Variants in BIN1 observed in about 807,000 individuals in gnomAD.
The protein encoded by BIN1 is bridging integrator 1.
Under a neutral mutation model 82.0 loss-of-function variants are expected in BIN1, and 53 were observed. That is an observed-to-expected ratio of 0.65 (90% CI 0.52 to 0.81). The LOEUF (loss-of-function observed/expected upper bound fraction) is 0.81, where lower values mean the gene tolerates loss of function less well. Ranked by LOEUF, BIN1 falls within the 40% of genes least tolerant of loss-of-function variation. BIN1 has a pLI of 0.00. For synonymous variants in BIN1, 302 were observed against 328.0 expected (o/e 0.92, Z 0.86); for missense variants, 642 against 784.4 (o/e 0.82, Z 2.17).
rs777176261 is a variant in BIN1, at chr2:127,063,645, G to A, written c.700C>T (p.Arg234Cys). 8.7e-6 allele frequency: 14 copies of A among 1,613,248 alleles called. No homozygotes were observed. The highest frequency in any genetic ancestry group is 1.7e-5 in the Admixed American group (1 of 59,882). Reference sequence around the variant, plus strand: ...AACGTGTTGACGTAGAAACCTACGCGGCTACAGAAGGGCGGAAGGATGGGG... The same window carrying A: ...AACGTGTTGACGTAGAAACCTACGCAGCTACAGAAGGGCGGAAGGATGGGG... ...QEELPSLWNSRVGFYVNTFQS... is the reference protein window; with the variant it reads ...QEELPSLWNSCVGFYVNTFQS... Residue 234 changes from arginine to cysteine, a missense_variant and splice_region_variant, in exon 9 of 19, where the codon CGC (arginine) becomes TGC (cysteine). Transcript: ENST00000316724.
intron 1 of BIN1, among the ~76,000 whole-genome samples, chr2:127,089,659 C>A (rs1469051659): frequency 6.6e-6 from 1 of 152,076 alleles, no homozygotes; most frequent in Non-Finnish European, 1.5e-5. Context: ...CCCTCAGTCC[C>A]TCCCACTGCC....
chr2:127,096,729 G>A (rs370064818), intron 1 of BIN1, among the ~76,000 whole-genome samples: 4 of 152,202 alleles, frequency 2.6e-5, no homozygotes, highest in Non-Finnish European at 5.9e-5. Flanking sequence ...GAGCTGCCAT[G>A]GGCCAAATGG....
In BIN1 at chr2:127,054,289, C is replaced by G. The variant is rs544133789; in HGVS notation, c.1132-277G>C. Reference sequence around the variant, plus strand: ...CGACCCCAGTGCCCGCCTCAAACTCCCAGTCATAGGTCCGCCCGTGGCCGC... The same window carrying G: ...CGACCCCAGTGCCCGCCTCAAACTCGCAGTCATAGGTCCGCCCGTGGCCGC... On this transcript the variant is annotated intron_variant, in intron 12 of 18. Coordinates refer to ENST00000316724, the MANE Select transcript of BIN1 (RefSeq NM_139343.3). 4.9e-5 allele frequency: 24 copies of G among 494,774 alleles called. No individual in the cohort carries two copies. The East Asian group carries it at 7.1e-4, about 15-fold the overall frequency. 30.6% of individuals were successfully genotyped at this position (494,774 alleles called of 1,614,324 possible).
intron 1 of BIN1, among the ~76,000 whole-genome samples, chr2:127,102,668 A>C (rs549673524): frequency 2.8e-4 from 43 of 152,218 alleles, no homozygotes; most frequent in African/African-American, 7.9e-4. Context: ...CCCCTGGGGG[A>C]TTGGGGAAGT....
chr2:127,049,044 T>A (rs1682532890), intron 18 of BIN1, among the ~76,000 whole-genome samples: 1 of 152,168 alleles, frequency 6.6e-6, no homozygotes, highest in South Asian at 2.1e-4. Context: ...GCCCTTTGCT[T>A]CAATCCTGAC....
chr2:127,089,531 T>A (rs1337075677), intron 1 of BIN1, among the ~76,000 whole-genome samples: 1 of 151,950 alleles, frequency 6.6e-6, no homozygotes, highest in Non-Finnish European at 1.5e-5. Context: ...TCACAGTGAG[T>A]TTGCAGTGCC....
rs1281912195 is a variant in BIN1 at position 127,068,050 on chromosome 2, A to G, written c.612+113T>C. On this transcript the variant is annotated intron_variant, in intron 7 of 18. Coordinates refer to ENST00000316724, the MANE Select transcript of BIN1 (RefSeq NM_139343.3). This position sits in a 1 kb window ranked among gnomAD's most constrained non-coding sequence, Gnocchi z 4.9. ...AGCTCTCCCAGCAGAGGCCTTTGAA[A>G]AACCCTGCCCCAGCTGGGCTCAGAT... is the stretch of plus-strand genomic sequence containing the variant. 1.2e-5 allele frequency: 14 copies of G among 1,140,036 alleles called. No homozygotes were observed. In the Admixed American group the frequency reaches 2.4e-4, roughly 19 times the overall value. The allele number at this position is 1,140,036 out of a possible 1,614,324, so 70.6% of individuals were successfully genotyped here. A position where few individuals can be genotyped will look rare whatever the true frequency, so the allele number is the denominator to read the frequency against.
intron 1 of BIN1, among the ~76,000 whole-genome samples, chr2:127,089,244 A>G (rs760179791): frequency 1.3e-5 from 2 of 152,126 alleles, no homozygotes; most frequent in Non-Finnish European, 2.9e-5. Flanking sequence ...CTCGGCCCCC[A>G]GGACCACAGA....
At chr2:127,088,357 G>A (rs1678453908) in intron 1 of BIN1, among the ~76,000 whole-genome samples, 1 of 152,024 alleles carries the variant, frequency 6.6e-6, no homozygotes, top group South Asian at 2.1e-4. Context: ...TGCTCTATGG[G>A]AAGCCAAGCA....
chr2:127,062,366 AG>A (rs1284469699), intron 9 of BIN1, among the ~76,000 whole-genome samples, 169 bp from the exon 10 acceptor site: 3 of 152,200 alleles, frequency 2.0e-5, no homozygotes, highest in Non-Finnish European at 4.4e-5. Flanking sequence ...CGAAAAACCA[AG>A]GGGGCAACAA....
chr2:127,052,303 G>A lies in BIN1; in HGVS notation c.1323C>T (p.Thr441=). The A allele has an allele frequency of 6.3e-7, 1 of 1,587,380 alleles. No individual in the cohort carries two copies. Among genetic ancestry groups the A allele is most frequent in the Non-Finnish European group, 8.6e-7 (1 of 1,167,240 alleles). The change falls in exon 15 of 19, where the codon ACC becomes ACT. Residue 441 remains threonine, a synonymous_variant. Coordinates refer to ENST00000316724, the MANE Select transcript of BIN1 (RefSeq NM_139343.3). ...TCTGGCTGGGCCAGGACACAGCAAA[G>A]GTGCCCTCGGCAGCGCTGGGCTCCC... ...PSGEPSAAEG[T]FAVSWPSQTA...
intron 14 of BIN1, chr2:127,052,975 T>C: frequency 3.4e-6 from 1 of 294,212 alleles, no homozygotes; most frequent in Non-Finnish European, 6.7e-6. Context: ...TCCCTGACTC[T>C]CTCAAACCAT....
At chr2:127,084,326 C>T (rs528385481) in intron 1 of BIN1, among the ~76,000 whole-genome samples, 1 of 152,200 alleles carries the variant, frequency 6.6e-6, no homozygotes, top group Non-Finnish European at 1.5e-5. Context: ...CTTGCCTTTG[C>T]GAGGAGGGTG....
At chr2:127,083,694 G>A (rs1040111246) in intron 1 of BIN1, among the ~76,000 whole-genome samples, 8 of 152,210 alleles carry the variant, frequency 5.3e-5, no homozygotes, top group Non-Finnish European at 1.0e-4. Flanking sequence ...TCTGATTGTC[G>A]GGTCTCTTGT....
intron 1 of BIN1, among the ~76,000 whole-genome samples, chr2:127,085,180 C>T (rs1677969973): frequency 1.3e-5 from 2 of 152,182 alleles, no homozygotes; most frequent in African/African-American, 4.8e-5. Context: ...CTTGCAGCAG[C>T]CCCAGCTGTG....
intron 1 of BIN1, 117 bp from the exon 2 acceptor site, chr2:127,076,823 AC>A: frequency 8.2e-7 from 1 of 1,220,392 alleles, no homozygotes; most frequent in Non-Finnish European, 1.2e-6. Flanking sequence ...AGCCAACATC[AC>A]CCAGCCCAGG....
At chr2:127,091,360 A>C (rs1530047) in intron 1 of BIN1, among the ~76,000 whole-genome samples, 33,060 of 152,064 alleles carry the variant, frequency 0.22, 3,857 homozygotes, top group African/African-American at 0.29. Context: ...CTGCCCCTCC[A>C]CACAAGTGTG....
At chr2:127,070,966 C>A in intron 2 of BIN1, 150 bp from the exon 3 acceptor site, 1 of 750,644 alleles carries the variant, frequency 1.3e-6, no homozygotes, top group South Asian at 1.8e-5. Flanking sequence ...ACAGCAGCTA[C>A]GGTCACCACC....
intron 1 of BIN1, among the ~76,000 whole-genome samples, chr2:127,092,643 C>G (rs569325239): frequency 6.0e-4 from 92 of 152,212 alleles, no homozygotes; most frequent in Non-Finnish European, 1.0e-3. Flanking sequence ...CAGCCCCGGG[C>G]AAGTCACCAG....
Sources: allele counts gnomAD v4.1 joint callset (sites outside exome capture counted in the v4.1 genomes callset), GRCh38; gene constraint gnomAD v4.1.1; non-coding constraint Gnocchi (gnomAD v3.1); transcripts MANE v1.5; gene names NCBI Gene and HGNC (gene_info 2026-07-23, HGNC 2026-07-21).